Variants in SPAG16 observed in about 807,000 individuals in gnomAD.
SPAG16 encodes the protein sperm associated antigen 16.
A neutral mutation model predicts 80.4 loss-of-function variants in SPAG16; 86 were observed. The observed-to-expected ratio is 1.07, with a 90% CI of 0.90 to 1.28. The LOEUF (loss-of-function observed/expected upper bound fraction) is 1.28. SPAG16 is among the 50% of genes most tolerant of loss of function. The probability of loss-of-function intolerance (pLI) is 0.00; values close to 1 mark genes in which losing one functional copy is unlikely to be tolerated. For synonymous variants in SPAG16, 294 were observed against 265.9 expected, an observed-to-expected ratio of 1.11 and a Z score of -1.03; for missense variants, 870 against 765.3, an observed-to-expected ratio of 1.14 and a Z score of -1.61.
intron 10 of SPAG16, among the ~76,000 whole-genome samples, chr2:213,848,152 G>A (rs2105899132): frequency 6.6e-6 from 1 of 152,270 alleles, no homozygotes; most frequent in East Asian, 1.9e-4. Flanking sequence ...CTCCTGTTTG[G>A]CTTGTAAAAA....
chr2:214,370,563 A>G (rs891731588), intron 15 of SPAG16, among the ~76,000 whole-genome samples: 1 of 152,184 alleles, frequency 6.6e-6, no homozygotes, highest in African/African-American at 2.4e-5. Flanking sequence ...TCACCAAGAG[A>G]GTGAGAGAGA....
chr2:214,349,770 T>C (rs1213309237), intron 15 of SPAG16, among the ~76,000 whole-genome samples: 4 of 152,224 alleles, frequency 2.6e-5, no homozygotes, highest in Non-Finnish European at 5.9e-5. Context: ...TTTGTTTTAG[T>C]TATTCTAATG....
chr2:213,903,485 C>T (rs761045938), intron 11 of SPAG16, among the ~76,000 whole-genome samples: 11 of 152,254 alleles, frequency 7.2e-5, no homozygotes, highest in Non-Finnish European at 1.0e-4. Flanking sequence ...CCCTTTCATC[C>T]GCAGCTGGAA....
At chr2:214,022,127 C>T (rs577791831) in intron 13 of SPAG16, among the ~76,000 whole-genome samples, 4 of 151,982 alleles carry the variant, frequency 2.6e-5, no homozygotes, top group East Asian at 1.9e-4. Context: ...TTGAACTTGG[C>T]GAATGAGACA....
At chr2:213,420,150 T>G (rs566920385) in intron 9 of SPAG16, among the ~76,000 whole-genome samples, 4 of 152,238 alleles carry the variant, frequency 2.6e-5, no homozygotes, top group Non-Finnish European at 5.9e-5. Flanking sequence ...TATCTTCCAC[T>G]GACATTTGTA....
intron 15 of SPAG16, among the ~76,000 whole-genome samples, chr2:214,261,944 C>G (rs1425481660): frequency 6.6e-6 from 1 of 152,096 alleles, no homozygotes; most frequent in Non-Finnish European, 1.5e-5. Context: ...AGACAAACAT[C>G]TCTGTAAATA....
At chr2:213,686,790 G>A (rs1461614441) in intron 10 of SPAG16, among the ~76,000 whole-genome samples, 1 of 145,274 alleles carries the variant, frequency 6.9e-6, no homozygotes, top group Non-Finnish European at 1.5e-5. Context: ...GGGCTCAAGC[G>A]ATTCTGCCTC....
intron 10 of SPAG16, among the ~76,000 whole-genome samples, chr2:213,507,834 C>G (rs1331033546): frequency 6.6e-6 from 1 of 152,224 alleles, no homozygotes; most frequent in Non-Finnish European, 1.5e-5. Context: ...GAAGGCGGGT[C>G]TGCTTCAGCT....
chr2:213,799,034 G>T (rs919027145), intron 10 of SPAG16, among the ~76,000 whole-genome samples: 13 of 152,042 alleles, frequency 8.6e-5, no homozygotes, highest in African/African-American at 3.1e-4. Flanking sequence ...TATTTTTTAA[G>T]GTTTCTTTGG....
chr2:214,170,272 G>T lies in SPAG16; in HGVS notation c.1720+21006G>T, dbSNP rs1429728428. Among the ~76,000 whole-genome samples the T allele has an allele frequency of 2.3e-5, 3 of 132,996 alleles. No homozygotes were observed. In the East Asian group the frequency reaches 5.9e-4, roughly 26 times the overall value. The allele number at this position is 132,996 out of a possible 152,430, so 87.3% of individuals were successfully genotyped here. On this transcript the variant is annotated intron_variant, in intron 15 of 15. Coordinates refer to ENST00000331683, the MANE Select transcript of SPAG16 (RefSeq NM_024532.5). The stretch of plus-strand genomic sequence containing the variant: ...TGTATACATATACACACACACTTAG[G>T]TGTGCGTACATATACATACACATAT...
intron 15 of SPAG16, among the ~76,000 whole-genome samples, chr2:214,288,547 A>G (rs1215007787): frequency 2.0e-5 from 3 of 152,026 alleles, no homozygotes; most frequent in African/African-American, 7.2e-5. Flanking sequence ...TCCCACCGAC[A>G]GTGTATGAGT....
chr2:213,970,343 G>A (rs2044965884), intron 12 of SPAG16, among the ~76,000 whole-genome samples: 1 of 147,306 alleles, frequency 6.8e-6, no homozygotes, highest in Non-Finnish European at 1.5e-5. Flanking sequence ...ATCTTATTGT[G>A]TTACCCAGGC....
chr2:213,848,832 C>T (rs1371465272), intron 10 of SPAG16, among the ~76,000 whole-genome samples: 1 of 152,058 alleles, frequency 6.6e-6, no homozygotes, highest in African/African-American at 2.4e-5. Context: ...TGATCTATTC[C>T]TCTTGTTCAC....
At chr2:213,956,248 G>T (rs1050775351) in intron 12 of SPAG16, among the ~76,000 whole-genome samples, 9 of 151,842 alleles carry the variant, frequency 5.9e-5, no homozygotes, top group African/African-American at 9.7e-5. Flanking sequence ...AAGCCACCAT[G>T]CCAGGCCTTT....
At chr2:213,414,850 G>T (rs1038369983) in intron 9 of SPAG16, among the ~76,000 whole-genome samples, 3 of 152,210 alleles carry the variant, frequency 2.0e-5, no homozygotes, top group African/African-American at 7.2e-5. Flanking sequence ...ATGTATATAA[G>T]TAACTGATGT....
At position 213,714,220 on chromosome 2, in the gene SPAG16, C is replaced by T. The variant is rs1046216764; in HGVS notation, c.1071-148265C>T. On this transcript the variant is annotated intron_variant, in intron 10 of 15. Transcript: ENST00000331683. The stretch of plus-strand genomic sequence containing the variant: ...CAAACAACTCGAGGACAATATATTG[C>T]CTGTGTCTCAGGATGTGCAGTGGAA... Among the ~76,000 whole-genome samples, 6 of 152,138 alleles carry T rather than the reference C, an allele frequency of 3.9e-5. No individual in the cohort carries two copies. The East Asian group carries it at 1.2e-3, about 29-fold the overall frequency.
chr2:214,026,856 TA>T (rs542664524), intron 13 of SPAG16, among the ~76,000 whole-genome samples: 130 of 151,650 alleles, frequency 8.6e-4, no homozygotes, highest in African/African-American at 3.1e-3. Context: ...ATCCTTTATT[TA>T]AAAAGGGAAC....
At chr2:214,000,073 G>T (rs1048378811) in intron 12 of SPAG16, among the ~76,000 whole-genome samples, 3 of 152,132 alleles carry the variant, frequency 2.0e-5, no homozygotes, top group South Asian at 4.1e-4. Flanking sequence ...GGGGACTGTT[G>T]GGAAGGCATA....
intron 1 of SPAG16, among the ~76,000 whole-genome samples, chr2:213,293,660 A>C (rs2062384334): frequency 6.6e-6 from 1 of 152,162 alleles, no homozygotes; most frequent in African/African-American, 2.4e-5. Flanking sequence ...GATGACTCTA[A>C]TTCTCCTGTT....
Sources: allele counts gnomAD v4.1 joint callset (sites outside exome capture counted in the v4.1 genomes callset), GRCh38; gene constraint gnomAD v4.1.1; transcripts MANE v1.5; gene names NCBI Gene and HGNC (gene_info 2026-07-23, HGNC 2026-07-21).